The following PITPNM2 variants were observed in gnomAD, a reference collection of about 807,000 sequenced individuals.
PITPNM2 encodes the protein phosphatidylinositol transfer protein membrane associated 2.
A neutral mutation model predicts 132.2 loss-of-function variants in PITPNM2; 35 were observed. The observed-to-expected ratio is 0.26, with a 90% CI of 0.20 to 0.35. PITPNM2 has a LOEUF of 0.35. Ranked by LOEUF, PITPNM2 falls within the 10% of genes least tolerant of loss-of-function variation. PITPNM2 has a pLI of 1.00. For missense variants in PITPNM2, 1,332 were observed against 1,912.0 expected (o/e 0.70, Z 5.66); for synonymous variants, 738 against 799.2 (o/e 0.92, Z 1.29).
intron 2 of PITPNM2, among the ~76,000 whole-genome samples, chr12:123,040,485 A>AAAAGT (rs1340575535): frequency 6.6e-6 from 1 of 152,214 alleles, no homozygotes; most frequent in African/African-American, 2.4e-5. Flanking sequence ...ATGTTATTAT[A>AAAAGT]CTTCAATCAA....
In PITPNM2 at chr12:123,071,745, A is replaced by G. The variant is rs74727369; in HGVS notation, c.-95-37060T>C. 5.5e-3 allele frequency among the ~76,000 whole-genome samples: 831 copies of G among 152,280 alleles called. 8 individuals carry two copies. The highest frequency in any genetic ancestry group is 0.019 in the African/African-American group (777 of 41,544). ...GCACAGAATCTTGAATTCTCACACAACGCCCATGGGGGGACCATCACTCCC... is the reference window on the plus strand; with the variant it reads ...GCACAGAATCTTGAATTCTCACACAGCGCCCATGGGGGGACCATCACTCCC... On this transcript the variant is annotated intron_variant, in intron 2 of 25. Coordinates refer to ENST00000320201, the MANE Select transcript of PITPNM2 (RefSeq NM_020845.3).
In PITPNM2 at chr12:122,989,936, G is replaced by A. The variant is rs774370536; in HGVS notation, c.2582C>T (p.Ala861Val). 5.7e-5 allele frequency: 74 copies of A among 1,304,018 alleles called. No homozygotes were observed. The highest frequency in any genetic ancestry group is 2.9e-4 in the Middle Eastern group (1 of 3,456). 80.8% of individuals were successfully genotyped at this position (1,304,018 alleles called of 1,614,324 possible). A position where few individuals can be genotyped will look rare whatever the true frequency, so the allele number is the denominator to read the frequency against. The change falls in exon 18 of 26, where the codon GCG becomes GTG. Residue 861 changes from alanine to valine, a missense_variant. Transcript: ENST00000320201. ...CCTGACGCTGGGGGTATGGCTGAGCGCATCGGGGGCCTCTGAGAAGCAAGA... is the reference window on the plus strand; with the variant it reads ...CCTGACGCTGGGGGTATGGCTGAGCACATCGGGGGCCTCTGAGAAGCAAGA... ...ASSIAQKAPD[A>V]LSHTPSVRRL...
intron 2 of PITPNM2, among the ~76,000 whole-genome samples, chr12:123,085,893 G>A (rs2042098013): frequency 6.6e-6 from 1 of 152,188 alleles, no homozygotes; most frequent in Non-Finnish European, 1.5e-5. Flanking sequence ...GGCTCTTTGT[G>A]TGAGCCAGCA....
At position 123,048,411 on chromosome 12, in the gene PITPNM2, GT is replaced by G. The variant is rs529808841; in HGVS notation, c.-95-13727del. 6.5e-4 allele frequency among the ~76,000 whole-genome samples: 93 copies of G among 142,956 alleles called. 1 individual carries two copies. In the Middle Eastern group the frequency reaches 0.015, roughly 22 times the overall value. The allele number at this position is 142,956 out of a possible 152,430, so 93.8% of individuals were successfully genotyped here. On this transcript the variant is annotated intron_variant, in intron 2 of 25. Coordinates refer to ENST00000320201, the MANE Select transcript of PITPNM2 (RefSeq NM_020845.3). Reference sequence around the variant, plus strand: ...AATGGGTAGTTAGTGTTTTTTTTTTGTTTTTTTTTTTTGAGACGGAGTCTCG... The same window carrying G: ...AATGGGTAGTTAGTGTTTTTTTTTTGTTTTTTTTTTTGAGACGGAGTCTCG...
chr12:123,007,715 G>A (rs1222494054), intron 6 of PITPNM2, among the ~76,000 whole-genome samples: 1 of 152,162 alleles, frequency 6.6e-6, no homozygotes, highest in East Asian at 1.9e-4. Context: ...GGGACTGTCT[G>A]CTGGCCTCAC....
At chr12:123,128,264 C>CAAAAAAAAAAAAA (rs1170397011) in intron 1 of PITPNM2, among the ~76,000 whole-genome samples, 4 of 22,750 alleles carry the variant, frequency 1.8e-4, no homozygotes, top group African/African-American at 6.7e-4. Context: ...CCCATCTCTA[C>CAAAAAAAAAAAAA]AAAAAAAAAA....
At chr12:123,143,615 A>T (rs1223561013) in intron 1 of PITPNM2, among the ~76,000 whole-genome samples, 2 of 152,178 alleles carry the variant, frequency 1.3e-5, no homozygotes. Flanking sequence ...ACACCTCCGT[A>T]AGAGGATTAT....
At chr12:123,043,309 A>C (rs1432216784) in intron 2 of PITPNM2, among the ~76,000 whole-genome samples, 1 of 152,096 alleles carries the variant, frequency 6.6e-6, no homozygotes, top group African/African-American at 2.4e-5. Flanking sequence ...AAAGAGCTTC[A>C]GGTTCATGAG....
rs190486963 is a variant in PITPNM2, at chr12:123,064,102, G to C, written c.-95-29417C>G. Among the ~76,000 whole-genome samples, 1 of 152,278 alleles carries C rather than the reference G, an allele frequency of 6.6e-6. No homozygotes were observed. The highest frequency in any genetic ancestry group is 1.5e-5 in the Non-Finnish European group (1 of 68,026). ...CACACTCAAAACAGTCAGGACTAGG[G>C]GAAACAAATCATTGATATCATTTTG... On this transcript the variant is annotated intron_variant, in intron 2 of 25. Transcript: ENST00000320201. The surrounding 1 kb of genome is among the most constrained non-coding windows in gnomAD (Gnocchi z 4.0).
intron 2 of PITPNM2, among the ~76,000 whole-genome samples, chr12:123,056,208 C>T (rs2041021016): frequency 6.6e-6 from 1 of 152,156 alleles, no homozygotes; most frequent in Non-Finnish European, 1.5e-5. Context: ...GTGACTGCAG[C>T]GTCAGGCCAA....
At chr12:123,046,443 AT>A (rs2040661686) in intron 2 of PITPNM2, among the ~76,000 whole-genome samples, 1 of 152,182 alleles carries the variant, frequency 6.6e-6, no homozygotes, top group Non-Finnish European at 1.5e-5. Context: ...TAAGTATTTT[AT>A]TGTGATATAA....
intron 3 of PITPNM2, among the ~76,000 whole-genome samples, chr12:123,027,991 T>C (rs1299063129): frequency 6.6e-6 from 1 of 152,078 alleles, no homozygotes; most frequent in Non-Finnish European, 1.5e-5. Context: ...TGCCTACCAT[T>C]CCCCTAAACA....
Position 123,049,828 on chromosome 12 carries a change from C to T in PITPNM2, c.-95-15143G>A, listed in dbSNP as rs559434929. ...AAAAGATAACACCTTTCATTTGTCT[C>T]TCCATTCACAGCAGGTGCTAGGCAG... On this transcript the variant is annotated intron_variant, in intron 2 of 25. Coordinates refer to ENST00000320201, the MANE Select transcript of PITPNM2 (RefSeq NM_020845.3). 2.6e-4 allele frequency among the ~76,000 whole-genome samples: 40 copies of T among 152,362 alleles called. No individual in the cohort carries two copies. The South Asian group carries it at 8.3e-3, about 32-fold the overall frequency.
In PITPNM2 at chr12:123,095,523, C is replaced by T. The variant is rs932253258; in HGVS notation, c.-96+14862G>A. ...GCCTGCCCCCTCCTCCCCCCGCCTCCGACCTGTCACCCAGATGAAGTGAGA... is the reference window on the plus strand; with the variant it reads ...GCCTGCCCCCTCCTCCCCCCGCCTCTGACCTGTCACCCAGATGAAGTGAGA... On this transcript the variant is annotated intron_variant, in intron 2 of 25. Coordinates refer to ENST00000320201, the MANE Select transcript of PITPNM2 (RefSeq NM_020845.3). The surrounding 1 kb of genome is among the most constrained non-coding windows in gnomAD (Gnocchi z 5.0). Among the ~76,000 whole-genome samples the T allele has an allele frequency of 2.0e-5, 3 of 152,302 alleles. No individual in the cohort carries two copies. Among genetic ancestry groups the T allele is most frequent in the East Asian group, 1.9e-4 (1 of 5,188 alleles).
chr12:123,104,878 G>C (rs2042665390), intron 2 of PITPNM2, among the ~76,000 whole-genome samples: 2 of 151,998 alleles, frequency 1.3e-5, no homozygotes, highest in Admixed American at 1.3e-4. Flanking sequence ...CATCACCATA[G>C]CCAGAAACCA....
intron 2 of PITPNM2, among the ~76,000 whole-genome samples, chr12:123,109,114 G>A (rs2042782173): frequency 6.6e-6 from 1 of 152,172 alleles, no homozygotes; most frequent in Non-Finnish European, 1.5e-5. Context: ...CAGGGGCTGG[G>A]TACATTAAAC....
chr12:123,050,129 A>C (rs1445617431), intron 2 of PITPNM2, among the ~76,000 whole-genome samples: 1 of 152,216 alleles, frequency 6.6e-6, no homozygotes, highest in Non-Finnish European at 1.5e-5. Context: ...CAAACAGGAC[A>C]ACTGGATGTT....
intron 2 of PITPNM2, among the ~76,000 whole-genome samples, chr12:123,085,839 G>C (rs978815686): frequency 2.0e-5 from 3 of 152,224 alleles, no homozygotes; most frequent in African/African-American, 7.2e-5. Flanking sequence ...GAGGCTCACA[G>C]GGCCTGTCTT....
At chr12:123,012,026 C>T (rs1255708666) in intron 5 of PITPNM2, among the ~76,000 whole-genome samples, 1 of 152,216 alleles carries the variant, frequency 6.6e-6, no homozygotes, top group Non-Finnish European at 1.5e-5. Flanking sequence ...GCCTTGTACC[C>T]AGAGGCTGCA....
Sources: gnomAD v4.1 joint callset for allele counts (sites outside exome capture counted in the v4.1 genomes callset) on GRCh38, gnomAD v4.1.1 for gene constraint, Gnocchi (gnomAD v3.1) non-coding constraint, MANE v1.5 for transcripts, NCBI Gene and HGNC (gene_info 2026-07-23, HGNC 2026-07-21) for gene names.